ACAP2: variants seen among roughly 807,000 people sequenced by gnomAD.
ACAP2 encodes arf-GAP with coiled-coil, ANK repeat and PH domain-containing protein 2.
In ACAP2, 39 loss-of-function variants were observed where a neutral mutation model predicts 115.8. The observed-to-expected ratio is 0.34, with a 90% CI of 0.26 to 0.44. The LOEUF is 0.44. ACAP2 is among the 20% of genes least tolerant of loss of function. ACAP2 has a pLI of 1.00. For missense variants in ACAP2, 662 were observed against 927.6 expected (o/e 0.71, Z 3.72); for synonymous variants, 289 against 315.8 (o/e 0.92, Z 0.90).
chr3:195,407,276 T>C lies in ACAP2; in HGVS notation c.54-15129A>G, dbSNP rs551285129. ...ACTTTGGGAAACTGAGGTGGGAGGA[T>C]TGTTTGAGCCCAAGAGTTTGAGACC... On this transcript the variant is annotated intron_variant, in intron 1 of 22. Coordinates refer to ENST00000326793, the MANE Select transcript of ACAP2 (RefSeq NM_012287.6). Among the ~76,000 whole-genome samples, 76 of 151,380 alleles carry C rather than the reference T, an allele frequency of 5.0e-4. No individual in the cohort carries two copies. In the Middle Eastern group the frequency reaches 0.018, roughly 35 times the overall value.
intron 6 of ACAP2, among the ~76,000 whole-genome samples, chr3:195,339,996 GA>G (rs1391040626): frequency 6.6e-6 from 1 of 151,808 alleles, no homozygotes; most frequent in Non-Finnish European, 1.5e-5. Flanking sequence ...CGGCAACACA[GA>G]GAAGGCAGAG....
intron 10 of ACAP2, among the ~76,000 whole-genome samples, chr3:195,316,471 T>C (rs1729100183): frequency 6.6e-6 from 1 of 152,138 alleles, no homozygotes; most frequent in Admixed American, 6.6e-5. Context: ...CAATCTTGAC[T>C]CCTACAACTT....
In ACAP2 at chr3:195,307,263, T is replaced by C; in HGVS notation, c.970A>G (p.Ile324Val). 6.2e-7 allele frequency: 1 copy of C among 1,613,612 alleles called. No homozygotes were observed. The highest frequency in any genetic ancestry group is 8.5e-7 in the Non-Finnish European group (1 of 1,179,650). Residue 324 changes from isoleucine (I) to valine (V), a missense_variant, in exon 12 of 23, where the codon ATA becomes GTA. Ile to Val is a conservative substitution (Grantham distance 29). This residue lies in a region of ACAP2 where 401 missense variants were observed against 604.4 expected (regional missense o/e 0.66). Transcript: ENST00000326793. The part of the protein sequence containing the change: ...RLCTVKHCED[I>V]ERRFCFEVVS... ...ACCTCAAAGCAGAATCGTCGCTCTA[T>C]GTCTTCACAATGTTTCACTGTGCAA...
At chr3:195,316,556 T>G (rs1313353897) in intron 10 of ACAP2, among the ~76,000 whole-genome samples, 1 of 151,776 alleles carries the variant, frequency 6.6e-6, no homozygotes, top group East Asian at 1.9e-4. Flanking sequence ...CGCCACCACG[T>G]CCAGCTAATT....
intron 21 of ACAP2, among the ~76,000 whole-genome samples, chr3:195,286,191 A>T (rs2108900860): frequency 6.6e-6 from 1 of 152,356 alleles, no homozygotes. Context: ...TTTAACTGCC[A>T]ACTGTTGAAA....
chr3:195,320,266 T>C (rs1729364976), intron 10 of ACAP2, among the ~76,000 whole-genome samples: 1 of 152,094 alleles, frequency 6.6e-6, no homozygotes, highest in East Asian at 1.9e-4. Context: ...AAACACTAAG[T>C]AAAAATGTAC....
At chr3:195,328,730 T>C (rs1729967686) in intron 8 of ACAP2, among the ~76,000 whole-genome samples, 1 of 152,226 alleles carries the variant, frequency 6.6e-6, no homozygotes, top group Non-Finnish European at 1.5e-5. Flanking sequence ...TGCACGCATA[T>C]ACTTTACATA....
At chr3:195,346,575 C>T (rs1008896442) in intron 4 of ACAP2, among the ~76,000 whole-genome samples, 3 of 152,158 alleles carry the variant, frequency 2.0e-5, no homozygotes, top group South Asian at 2.1e-4. Flanking sequence ...ACCCTGAACA[C>T]AGCTTAAAAG....
chr3:195,300,860 T>C (rs577223091), intron 15 of ACAP2, among the ~76,000 whole-genome samples: 1 of 151,926 alleles, frequency 6.6e-6, no homozygotes, highest in Non-Finnish European at 1.5e-5. Context: ...CTACGAAAAA[T>C]ACAAAAATTA....
intron 4 of ACAP2, among the ~76,000 whole-genome samples, chr3:195,351,428 A>AT (rs1244662032): frequency 8.2e-4 from 107 of 129,958 alleles, no homozygotes; most frequent in Middle Eastern, 5.4e-3. Context: ...ATAAATCCAT[A>AT]TTTTTTCTTT....
chr3:195,436,659 G>T (rs193172010), intron 1 of ACAP2, among the ~76,000 whole-genome samples: 1 of 151,922 alleles, frequency 6.6e-6, no homozygotes, highest in Non-Finnish European at 1.5e-5. Flanking sequence ...AAATAAATAA[G>T]GCCAAAATAC....
intron 9 of ACAP2, chr3:195,326,561 G>A (rs1006804554): frequency 4.0e-6 from 1 of 247,626 alleles, no homozygotes; most frequent in South Asian, 5.5e-5. Context: ...CTTTTACAGG[G>A]AGTTGGTGGT....
chr3:195,389,462 T>C (rs1421729921), intron 2 of ACAP2, among the ~76,000 whole-genome samples: 1 of 152,176 alleles, frequency 6.6e-6, no homozygotes, highest in African/African-American at 2.4e-5. Flanking sequence ...TTCATGTATA[T>C]AATACATATG....
intron 1 of ACAP2, among the ~76,000 whole-genome samples, chr3:195,404,136 T>A (rs1384107197): frequency 6.6e-6 from 1 of 151,504 alleles, no homozygotes; most frequent in African/African-American, 2.4e-5. Flanking sequence ...AGCCCAGGAG[T>A]TCAAGACCAG....
chr3:195,384,093 T>C (rs150799565), intron 2 of ACAP2, among the ~76,000 whole-genome samples: 66 of 152,326 alleles, frequency 4.3e-4, no homozygotes, highest in African/African-American at 1.5e-3. Flanking sequence ...AAAACATACA[T>C]ACCTTCTAAC....
intron 15 of ACAP2, among the ~76,000 whole-genome samples, chr3:195,299,832 C>T (rs1021348696): frequency 1.3e-5 from 2 of 151,616 alleles, no homozygotes; most frequent in East Asian, 1.9e-4. Flanking sequence ...AGCGAGACTC[C>T]CTCTCAAAAA....
At chr3:195,423,277 T>C (rs948225023) in intron 1 of ACAP2, among the ~76,000 whole-genome samples, 1 of 152,200 alleles carries the variant, frequency 6.6e-6, no homozygotes, top group African/African-American at 2.4e-5. Flanking sequence ...TAACTCTAGA[T>C]GAAGGCTAGA....
In ACAP2 at chr3:195,294,778, G is replaced by T; in HGVS notation, c.1706C>A (p.Ser569Tyr). 1.2e-6 allele frequency: 2 copies of T among 1,609,426 alleles called. No individual in the cohort carries two copies. Among genetic ancestry groups the T allele is most frequent in the Non-Finnish European group, 1.7e-6 (2 of 1,176,938 alleles). ...RSNDSGIQQS[S>Y]DDGRESLPST... ...GGGTAAAGATTCTCTTCCATCATCA[G>T]AGCTCTGCTGAATTCCACTGTCATT... The change falls in exon 18 of 23, where the codon TCT becomes TAT. Residue 569 changes from serine to tyrosine, a missense_variant. Coordinates refer to ENST00000326793, the MANE Select transcript of ACAP2 (RefSeq NM_012287.6).
At chr3:195,351,530 C>T (rs1197349576) in intron 4 of ACAP2, among the ~76,000 whole-genome samples, 1 of 149,324 alleles carries the variant, frequency 6.7e-6, no homozygotes, top group Non-Finnish European at 1.5e-5. Context: ...GGCGTGATGT[C>T]AGCTCACTGC....
Sources: gnomAD v4.1 joint callset for allele counts (sites outside exome capture counted in the v4.1 genomes callset) on GRCh38, gnomAD v4.1.1 for gene constraint, gnomAD v4.1.1 regional missense constraint, MANE v1.5 for transcripts, NCBI Gene and HGNC (gene_info 2026-07-23, HGNC 2026-07-21) for gene names.